LAIR1: variants seen among roughly 807,000 people sequenced by gnomAD.
LAIR1 encodes the protein leukocyte-associated immunoglobulin-like receptor 1.
A neutral mutation model predicts 32.8 loss-of-function variants in LAIR1; 24 were observed. The observed-to-expected ratio is 0.73, with a 90% CI of 0.53 to 1.03. The LOEUF (loss-of-function observed/expected upper bound fraction) is 1.03, where lower values mean the gene tolerates loss of function less well. Among genes scored for constraint, LAIR1 ranks in the 50% least tolerant of loss-of-function variants. The pLI is 0.00. For missense variants in LAIR1, 355 were observed against 347.5 expected, an observed-to-expected ratio of 1.02 and a Z score of -0.17; for synonymous variants, 150 against 140.5, an observed-to-expected ratio of 1.07 and a Z score of -0.48.
upstream of LAIR1, among the ~76,000 whole-genome samples, chr19:54,365,781 T>TAAA (rs143572464): frequency 7.6e-6 from 1 of 131,698 alleles, no homozygotes. Flanking sequence ...AGACTCTGTC[T>TAAA]AAAAAAAAAA....
intron 3 of LAIR1, chr19:54,360,645 C>A: frequency 1.9e-6 from 1 of 525,072 alleles, no homozygotes; most frequent in East Asian, 3.0e-5. Context: ...CCCCACCCAG[C>A]CAAGCAGAGC....
chr19:54,366,089 C>G (rs2122604513), upstream of LAIR1, among the ~76,000 whole-genome samples: 1 of 152,152 alleles, frequency 6.6e-6, no homozygotes, highest in East Asian at 1.9e-4. Context: ...AACATCACAG[C>G]AGGGAATGGT....
rs755053790 is a variant in LAIR1 at position 54,361,189 on chromosome 19, T to A, written c.91A>T (p.Ile31Phe). Residue 31 changes from isoleucine (I) to phenylalanine (F), a missense_variant, in exon 3 of 10, where the codon ATC (isoleucine) becomes TTC (phenylalanine). Coordinates refer to ENST00000391742, the MANE Select transcript of LAIR1 (RefSeq NM_002287.6). ...TQEEDLPRPSISAEPGTVIPL... is the reference protein window; with the variant it reads ...TQEEDLPRPSFSAEPGTVIPL... ...ATCACGGTGCCTGGCTCAGCCGAGATGGAGGGTCTGGGCAGATCTTCTAGG... is the reference window on the plus strand; with the variant it reads ...ATCACGGTGCCTGGCTCAGCCGAGAAGGAGGGTCTGGGCAGATCTTCTAGG... The A allele has an allele frequency of 6.2e-7, 1 of 1,614,014 alleles. No individual in the cohort carries two copies.
chr19:54,364,194 G>A lies in LAIR1; in HGVS notation c.70+101C>T. ...GTTTGCAATCTAGGGTATATTTAAA[G>A]GGATCTCTCCAGGCCCTCTAAGAAT... On this transcript the variant is annotated intron_variant, in intron 2 of 9. Transcript: ENST00000391742. The surrounding 1 kb of genome is among the most constrained non-coding windows in gnomAD (Gnocchi z 4.8). 1 of 1,364,208 alleles carries A rather than the reference G, an allele frequency of 7.3e-7. No individual in the cohort carries two copies. Among genetic ancestry groups the A allele is most frequent in the East Asian group, 2.3e-5 (1 of 43,308 alleles). The allele number at this position is 1,364,208 out of a possible 1,614,324, so 84.5% of individuals were successfully genotyped here. A position where few individuals can be genotyped will look rare whatever the true frequency, so the allele number is the denominator to read the frequency against.
At chr19:54,370,723 C>T (rs2082384714), upstream of LAIR1, among the ~76,000 whole-genome samples, 1 of 151,284 alleles carries the variant, frequency 6.6e-6, no homozygotes, top group Admixed American at 6.6e-5. Flanking sequence ...GCTGAGGAAG[C>T]AACACAGATT....
At position 54,361,131 on chromosome 19, in the gene LAIR1, C is replaced by T. The variant is rs769312799; in HGVS notation, c.149G>A (p.Arg50Gln). ...PLGSHVTFVCRGPVGVQTFRL... is the reference protein window; with the variant it reads ...PLGSHVTFVCQGPVGVQTFRL... ...GAATGTTTGAACCCCAACCGGGCCC[C>T]GGCACACGAAAGTCACATGGCTCCC... The change falls in exon 3 of 10, where the codon CGG becomes CAG. Residue 50 changes from arginine to glutamine, a missense_variant. By Grantham distance (43) the Arg-to-Gln change is conservative. Coordinates refer to ENST00000391742, the MANE Select transcript of LAIR1 (RefSeq NM_002287.6). The T allele has an allele frequency of 1.6e-4, 251 of 1,614,088 alleles. No individual in the cohort carries two copies. The highest frequency in any genetic ancestry group is 2.0e-4 in the Non-Finnish European group (232 of 1,180,046).
intron 1 of LAIR1, chr19:54,370,251 C>G: frequency 6.6e-7 from 1 of 1,516,320 alleles, no homozygotes; most frequent in Non-Finnish European, 8.9e-7. Context: ...GGTGTGGTAG[C>G]AGGGACTCAC....
chr19:54,362,799 T>C (rs767396573), intron 2 of LAIR1, among the ~76,000 whole-genome samples: 4 of 152,204 alleles, frequency 2.6e-5, no homozygotes, highest in Non-Finnish European at 5.9e-5. Flanking sequence ...TTGGTCATTT[T>C]TAAAATGAAT....
upstream of LAIR1, chr19:54,365,169 T>C: frequency 1.5e-6 from 1 of 681,320 alleles, no homozygotes; most frequent in African/African-American, 1.9e-5. Context: ...AAGTTAACGG[T>C]CGCAGCTCTT....
In LAIR1 at chr19:54,355,252, C is replaced by T. The variant is rs1347698249; in HGVS notation, c.*16G>A. ...GACTTTCTACCCTCAGGTGCAGAGGCCAGGTGGGTATGGGGTCAGTGTCTG... is the reference window on the plus strand; with the variant it reads ...GACTTTCTACCCTCAGGTGCAGAGGTCAGGTGGGTATGGGGTCAGTGTCTG... On this transcript the variant is annotated 3_prime_UTR_variant, in exon 10 of 10. Coordinates refer to ENST00000391742, the MANE Select transcript of LAIR1 (RefSeq NM_002287.6). This position sits in a 1 kb window ranked among gnomAD's most constrained non-coding sequence, Gnocchi z 4.7. 1 of 1,582,564 alleles carries T rather than the reference C, an allele frequency of 6.3e-7. No individual in the cohort carries two copies. The highest frequency in any genetic ancestry group is 8.6e-7 in the Non-Finnish European group (1 of 1,163,374).
In LAIR1 at chr19:54,353,686, A is replaced by T. The variant is rs996158722; in HGVS notation, c.*1582T>A. 2.0e-5 allele frequency: 3 copies of T among 152,256 alleles called. No homozygotes were observed. Among genetic ancestry groups the T allele is most frequent in the Admixed American group, 6.5e-5 (1 of 15,276 alleles). The allele number at this position is 152,256 out of a possible 1,614,324, so 9.4% of individuals were successfully genotyped here. On this transcript the variant is annotated 3_prime_UTR_variant, in exon 10 of 10. Coordinates refer to ENST00000391742, the MANE Select transcript of LAIR1 (RefSeq NM_002287.6). ...CTAGAACTAAATTAGCAACTGCCCCATAGAAAGAGCTGGCTGAGTTTTTGC... is the reference window on the plus strand; with the variant it reads ...CTAGAACTAAATTAGCAACTGCCCCTTAGAAAGAGCTGGCTGAGTTTTTGC...
chr19:54,358,629 T>C (rs746511766), intron 4 of LAIR1: 4 of 1,595,390 alleles, frequency 2.5e-6, no homozygotes, highest in Admixed American at 1.7e-5. Context: ...ACAGTCCCTG[T>C]GAGGACAAAA....
At chr19:54,369,606 G>C (rs2082353922), upstream of LAIR1, among the ~76,000 whole-genome samples, 1 of 151,528 alleles carries the variant, frequency 6.6e-6, no homozygotes, top group South Asian at 2.1e-4. Context: ...TCCAAGGCAT[G>C]CTGCAGATTC....
chr19:54,358,777 A>C (rs2081862381), intron 4 of LAIR1, among the ~76,000 whole-genome samples: 1 of 151,490 alleles, frequency 6.6e-6, no homozygotes, highest in Non-Finnish European at 1.5e-5. Context: ...TCTGTTTCAC[A>C]TGAGGAATTT....
At chr19:54,366,367 C>T (rs7250373), upstream of LAIR1, among the ~76,000 whole-genome samples, 85,595 of 152,018 alleles carry the variant, frequency 0.56, 25,250 homozygotes, top group East Asian at 0.75. Flanking sequence ...AAGGTCTCAG[C>T]TGGAAATAAG....
chr19:54,368,360 A>G (rs2082319630), upstream of LAIR1: 1 of 152,198 alleles, frequency 6.6e-6, no homozygotes, highest in African/African-American at 2.4e-5. Flanking sequence ...GAAACTTAGC[A>G]TTGAACATGA....
In LAIR1 at chr19:54,354,958, T is replaced by C; in HGVS notation, c.*310A>G. The C allele has an allele frequency of 3.3e-6, 1 of 305,192 alleles. No individual in the cohort carries two copies. Among genetic ancestry groups the C allele is most frequent in the South Asian group, 1.3e-4 (1 of 7,700 alleles). 18.9% of individuals were successfully genotyped at this position (305,192 alleles called of 1,614,324 possible). On this transcript the variant is annotated 3_prime_UTR_variant, in exon 10 of 10. Coordinates refer to ENST00000391742, the MANE Select transcript of LAIR1 (RefSeq NM_002287.6). ...GAACAGGCAGGTGACTTTAGCTGGGTCTCTGGAAACAGTCAGGTGAATAAA... is the reference window on the plus strand; with the variant it reads ...GAACAGGCAGGTGACTTTAGCTGGGCCTCTGGAAACAGTCAGGTGAATAAA...
rs892640587 is a variant in LAIR1, at chr19:54,351,611, A to G, written c.*3657T>C. The G allele has an allele frequency of 6.6e-6, 1 of 152,148 alleles. No individual in the cohort carries two copies. The highest frequency in any genetic ancestry group is 2.4e-5 in the African/African-American group (1 of 41,434). 9.4% of individuals were successfully genotyped at this position (152,148 alleles called of 1,614,324 possible). On this transcript the variant is annotated 3_prime_UTR_variant, in exon 10 of 10. Transcript: ENST00000391742. ...CCAAAACACAACATGCTATCACCAC[A>G]ACTATTTTTAAATGTCTTAAGTAGT...
rs1490484411 is a variant in LAIR1, at chr19:54,352,353, G to A, written c.*2915C>T. The A allele has an allele frequency of 6.5e-6, 1 of 153,800 alleles. No individual in the cohort carries two copies. Among genetic ancestry groups the A allele is most frequent in the Non-Finnish European group, 1.5e-5 (1 of 68,154 alleles). The allele number at this position is 153,800 out of a possible 1,614,324, so 9.5% of individuals were successfully genotyped here. On this transcript the variant is annotated 3_prime_UTR_variant, in exon 10 of 10. Transcript: ENST00000391742. Reference sequence around the variant, plus strand: ...TGCACTGCCAGGTGAATTAAACATGGCTCTTCCCCCAGGTGGTGCTTGGGG... The same window carrying A: ...TGCACTGCCAGGTGAATTAAACATGACTCTTCCCCCAGGTGGTGCTTGGGG...
Sources: gnomAD v4.1 joint callset for allele counts (sites outside exome capture counted in the v4.1 genomes callset) on GRCh38, gnomAD v4.1.1 for gene constraint, Gnocchi (gnomAD v3.1) non-coding constraint, MANE v1.5 for transcripts, NCBI Gene and HGNC (gene_info 2026-07-23, HGNC 2026-07-21) for gene names.